BPGM: variants seen among roughly 807,000 people sequenced by gnomAD.
BPGM encodes 2,3-bisphosphoglycerate mutase, erythrocyte.
A neutral mutation model predicts 21.6 loss-of-function variants in BPGM; 15 were observed. The observed-to-expected ratio is 0.70, with a 90% CI of 0.47 to 1.07. The LOEUF (loss-of-function observed/expected upper bound fraction) is 1.07, where lower values mean the gene tolerates loss of function less well. Among genes scored for constraint, BPGM ranks in the 50% least tolerant of loss-of-function variants. The pLI is 0.00. For synonymous variants in BPGM, 113 were observed against 116.2 expected (o/e 0.97, Z 0.18); for missense variants, 273 against 319.0 (o/e 0.86, Z 1.10).
rs1164169964 is a variant in BPGM, at chr7:134,665,649, G to GAAAAAAAAAAAAAAAAAA, written c.601+3548_601+3565dup. On this transcript the variant is annotated intron_variant, in intron 2 of 2. Coordinates refer to ENST00000344924, the MANE Select transcript of BPGM (RefSeq NM_001724.5). ...AAAATAAAATAAAATAAAAATTAATGAAAAAAAAAAAAAAAAAAAAAAAAG... is the reference window on the plus strand; with the variant it reads ...AAAATAAAATAAAATAAAAATTAATGAAAAAAAAAAAAAAAAAAAAAAAAAAAAAAAAAAAAAAAAAAG... Among the ~76,000 whole-genome samples the GAAAAAAAAAAAAAAAAAA allele has an allele frequency of 3.8e-5, 3 of 78,192 alleles. 1 individual carries two copies. The highest frequency in any genetic ancestry group is 9.2e-5 in the Non-Finnish European group (3 of 32,468). The allele number at this position is 78,192 out of a possible 152,430, so 51.3% of individuals were successfully genotyped here.
chr7:134,677,117 C>T (rs962344265), intron 2 of BPGM, among the ~76,000 whole-genome samples: 3 of 152,142 alleles, frequency 2.0e-5, no homozygotes, highest in Admixed American at 1.3e-4. Context: ...AAATCTGCTA[C>T]CTAGAAGGGA....
intron 2 of BPGM, among the ~76,000 whole-genome samples, chr7:134,665,081 G>A (rs1795794021): frequency 6.6e-6 from 1 of 152,178 alleles, no homozygotes; most frequent in Non-Finnish European, 1.5e-5. Context: ...TTGTGTGGGT[G>A]AATTGTATGT....
chr7:134,676,803 G>A (rs144502906), intron 2 of BPGM, among the ~76,000 whole-genome samples: 1 of 152,324 alleles, frequency 6.6e-6, no homozygotes, highest in East Asian at 1.9e-4. Flanking sequence ...TTGGGAGTGA[G>A]CACTGTTGGA....
rs536526376 is a variant in BPGM at position 134,662,032 on chromosome 7, C to T, written c.525C>T (p.Pro175=). ...LLPYWNERIA[P]EVLRGKTILI... ...CCTATTGGAATGAAAGGATTGCTCC[C>T]GAAGTATTACGTGGCAAAACCATTC... Residue 175 remains proline, a synonymous_variant, in exon 2 of 3, where the codon CCC becomes CCT. Coordinates refer to ENST00000344924, the MANE Select transcript of BPGM (RefSeq NM_001724.5). 68 of 1,614,072 alleles carry T rather than the reference C, an allele frequency of 4.2e-5. No individual in the cohort carries two copies. In the South Asian group the frequency reaches 6.0e-4, roughly 14 times the overall value.
rs961228265 is a variant in BPGM, at chr7:134,651,358, T to C, written c.-62+4421T>C. On this transcript the variant is annotated intron_variant, in intron 1 of 2. Transcript: ENST00000344924. The stretch of plus-strand genomic sequence containing the variant: ...GTTGTACCACTAGGGTCTTAGGCAT[T>C]ATTAACTTTCAAACACGTGAGGAAG... Among the ~76,000 whole-genome samples, 4 of 152,314 alleles carry C rather than the reference T, an allele frequency of 2.6e-5. No homozygotes were observed. In the East Asian group the frequency reaches 7.7e-4, roughly 29 times the overall value.
In BPGM at chr7:134,661,048, G is replaced by T. The variant is rs1250221676; in HGVS notation, c.-61-399G>T. 2.0e-5 allele frequency among the ~76,000 whole-genome samples: 3 copies of T among 152,252 alleles called. No homozygotes were observed. The highest frequency in any genetic ancestry group is 4.4e-5 in the Non-Finnish European group (3 of 68,048). On this transcript the variant is annotated intron_variant, in intron 1 of 2. Coordinates refer to ENST00000344924, the MANE Select transcript of BPGM (RefSeq NM_001724.5). This position sits in a 1 kb window ranked among gnomAD's most constrained non-coding sequence, Gnocchi z 4.6. ...AAACAAAGTGAAAAGGATGCCTTCAGTGTAGAGTCAGCTGCTGGGAGCTGG... is the reference window on the plus strand; with the variant it reads ...AAACAAAGTGAAAAGGATGCCTTCATTGTAGAGTCAGCTGCTGGGAGCTGG...
intron 2 of BPGM, among the ~76,000 whole-genome samples, chr7:134,671,143 G>A (rs1222990968): frequency 2.0e-5 from 3 of 151,898 alleles, no homozygotes; most frequent in Non-Finnish European, 2.9e-5. Flanking sequence ...CAGAGAGTTC[G>A]AATTTATTCA....
Position 134,671,147 on chromosome 7 carries a change from T to A in BPGM, c.602-7706T>A, listed in dbSNP as rs545651738. Among the ~76,000 whole-genome samples, 4 of 152,212 alleles carry A rather than the reference T, an allele frequency of 2.6e-5. No individual in the cohort carries two copies. The East Asian group carries it at 5.8e-4, about 22-fold the overall frequency. ...ATTTGAAAACCCAGAGAGTTCGAAT[T>A]TATTCAATTCAGGTTTGCACCTAGG... On this transcript the variant is annotated intron_variant, in intron 2 of 2. Transcript: ENST00000344924.
chr7:134,671,693 A>G (rs1170639539), intron 2 of BPGM, among the ~76,000 whole-genome samples: 1 of 152,204 alleles, frequency 6.6e-6, no homozygotes, highest in Admixed American at 6.5e-5. Flanking sequence ...GCCTTTAGTT[A>G]TATGTAAAAA....
At chr7:134,663,526 A>G (rs1005405474) in intron 2 of BPGM, among the ~76,000 whole-genome samples, 2 of 152,242 alleles carry the variant, frequency 1.3e-5, no homozygotes, top group South Asian at 4.1e-4. Context: ...TTAATGGACC[A>G]TAGTATTTTA....
intron 1 of BPGM, among the ~76,000 whole-genome samples, chr7:134,648,344 A>G (rs1795500518): frequency 6.6e-6 from 1 of 151,628 alleles, no homozygotes; most frequent in Non-Finnish European, 1.5e-5. Context: ...CATGTTGGCC[A>G]GGCTGGTCTC....
chr7:134,674,109 C>T (rs915091927), intron 2 of BPGM, among the ~76,000 whole-genome samples: 1 of 151,914 alleles, frequency 6.6e-6, no homozygotes, highest in African/African-American at 2.4e-5. Context: ...GACAGGGTTT[C>T]ACCATGTTGC....
chr7:134,662,637 A>G (rs3800696), intron 2 of BPGM, among the ~76,000 whole-genome samples: 111,297 of 152,148 alleles, frequency 0.73, 42,299 homozygotes, highest in East Asian at 0.96. Flanking sequence ...ACTTTAAACA[A>G]TGATTGCTGT....
At chr7:134,675,728 G>A (rs1795975506) in intron 2 of BPGM, among the ~76,000 whole-genome samples, 1 of 152,006 alleles carries the variant, frequency 6.6e-6, no homozygotes, top group Admixed American at 6.6e-5. Context: ...ATTTCCATAT[G>A]AACTTTAAGA....
intron 2 of BPGM, among the ~76,000 whole-genome samples, chr7:134,670,386 C>G (rs545413896): frequency 5.9e-5 from 9 of 152,116 alleles, no homozygotes; most frequent in Non-Finnish European, 1.3e-4. Flanking sequence ...ATTCAGGCCT[C>G]GCTTCTGTGA....
At chr7:134,654,714 C>T (rs1203823883) in intron 1 of BPGM, among the ~76,000 whole-genome samples, 1 of 152,112 alleles carries the variant, frequency 6.6e-6, no homozygotes, top group East Asian at 1.9e-4. Context: ...AAATGCTACA[C>T]CAAAATCTTA....
chr7:134,649,469 C>G (rs1034478146), intron 1 of BPGM, among the ~76,000 whole-genome samples: 1 of 152,140 alleles, frequency 6.6e-6, no homozygotes, highest in Non-Finnish European at 1.5e-5. Flanking sequence ...CCTAAATTCA[C>G]CTGGCCTTCA....
chr7:134,670,216 C>T (rs1297173672), intron 2 of BPGM, among the ~76,000 whole-genome samples: 1 of 152,158 alleles, frequency 6.6e-6, no homozygotes, highest in Non-Finnish European at 1.5e-5. Context: ...GACTTGATCC[C>T]TGAAGACCTG....
Position 134,679,346 on chromosome 7 carries a change from A to G in BPGM, c.*315A>G, listed in dbSNP as rs1046524787. Reference sequence around the variant, plus strand: ...AGTAGAGATGAAGTTAAAGGTATTTATCATTCAAGAAATCATTATTGAGTC... The same window carrying G: ...AGTAGAGATGAAGTTAAAGGTATTTGTCATTCAAGAAATCATTATTGAGTC... On this transcript the variant is annotated 3_prime_UTR_variant, in exon 3 of 3. Coordinates refer to ENST00000344924, the MANE Select transcript of BPGM (RefSeq NM_001724.5). 1.7e-5 allele frequency: 6 copies of G among 344,552 alleles called. No homozygotes were observed. The highest frequency in any genetic ancestry group is 6.2e-5 in the African/African-American group (3 of 48,224). The allele number at this position is 344,552 out of a possible 1,614,324, so 21.3% of individuals were successfully genotyped here.
Sources: allele counts gnomAD v4.1 joint callset (sites outside exome capture counted in the v4.1 genomes callset), GRCh38; gene constraint gnomAD v4.1.1; non-coding constraint Gnocchi (gnomAD v3.1); transcripts MANE v1.5; gene names NCBI Gene and HGNC (gene_info 2026-07-23, HGNC 2026-07-21).